ENAH: variants seen among roughly 807,000 people sequenced by gnomAD.
ENAH encodes protein enabled homolog.
Under a neutral mutation model 78.7 loss-of-function variants are expected in ENAH, and 23 were observed. That is an observed-to-expected ratio of 0.29 (90% CI 0.21 to 0.41). The LOEUF is 0.41. Ranked by LOEUF, ENAH falls within the 10% of genes least tolerant of loss-of-function variation. The pLI is 1.00. For synonymous variants in ENAH, 226 were observed against 241.0 expected, an observed-to-expected ratio of 0.94 and a Z score of 0.58; for missense variants, 544 against 691.0, an observed-to-expected ratio of 0.79 and a Z score of 2.39.
intron 1 of ENAH, among the ~76,000 whole-genome samples, chr1:225,573,685 AG>A (rs1189067175): frequency 6.6e-6 from 1 of 152,244 alleles, no homozygotes; most frequent in African/African-American, 2.4e-5. Context: ...TACAGAAGAA[AG>A]GATCTGTAGA....
chr1:225,585,486 A>T (rs78877761), intron 1 of ENAH, among the ~76,000 whole-genome samples: 1 of 138,614 alleles, frequency 7.2e-6, no homozygotes, highest in Non-Finnish European at 1.6e-5. Context: ...GCTGGGCCAT[A>T]AAAAAAAATT....
chr1:225,645,908 G>A (rs569235230), intron 1 of ENAH, among the ~76,000 whole-genome samples: 19 of 152,240 alleles, frequency 1.2e-4, no homozygotes, highest in African/African-American at 4.3e-4. Context: ...TCTACACTTA[G>A]ATATACATAC....
intron 1 of ENAH, among the ~76,000 whole-genome samples, chr1:225,610,976 G>A (rs1310009535): frequency 2.0e-5 from 3 of 152,128 alleles, no homozygotes; most frequent in Non-Finnish European, 4.4e-5. Context: ...GGCCGAAAAA[G>A]GCAGATACAG....
At chr1:225,617,540 T>A (rs1356973184) in intron 1 of ENAH, among the ~76,000 whole-genome samples, 3 of 152,040 alleles carry the variant, frequency 2.0e-5, no homozygotes, top group Non-Finnish European at 2.9e-5. Flanking sequence ...AAGTATTTTT[T>A]AAAAAACTGA....
chr1:225,502,306 G>T (rs192554270), intron 11 of ENAH, among the ~76,000 whole-genome samples: 2 of 152,178 alleles, frequency 1.3e-5, no homozygotes, highest in Admixed American at 6.5e-5. Flanking sequence ...CCGCCTCCCC[G>T]GTTCAAGTGA....
At chr1:225,529,547 C>T (rs1344307783) in intron 4 of ENAH, among the ~76,000 whole-genome samples, 1 of 152,164 alleles carries the variant, frequency 6.6e-6, no homozygotes, top group Non-Finnish European at 1.5e-5. Flanking sequence ...ATAGCACTTA[C>T]CATCTTCTAC....
intron 10 of ENAH, among the ~76,000 whole-genome samples, chr1:225,508,804 A>G (rs1244404908): frequency 6.6e-6 from 1 of 152,234 alleles, no homozygotes; most frequent in Non-Finnish European, 1.5e-5. Context: ...GGGCCACAGG[A>G]GAATGAAGTC....
chr1:225,499,352 T>C (rs1204401179), intron 12 of ENAH, among the ~76,000 whole-genome samples: 1 of 152,112 alleles, frequency 6.6e-6, no homozygotes, highest in Non-Finnish European at 1.5e-5. Flanking sequence ...TCTATTTAAC[T>C]GTGGTGCTCT....
At chr1:225,630,895 C>T (rs1658891338) in intron 1 of ENAH, among the ~76,000 whole-genome samples, 1 of 152,106 alleles carries the variant, frequency 6.6e-6, no homozygotes, top group South Asian at 2.1e-4. Context: ...GTTACAGCAA[C>T]AAAACAAAAA....
rs1383182451 is a variant in ENAH, at chr1:225,574,673, G to A, written c.6-7259C>T. ...TCCCAGCACTTTGGGAGGCCGAGGC[G>A]GGCGGATCACGAGGTCAGGAGATCG... On this transcript the variant is annotated intron_variant, in intron 1 of 13. Transcript: ENST00000366843. 5.4e-4 allele frequency among the ~76,000 whole-genome samples: 2 copies of A among 3,706 alleles called. 1 individual carries two copies. The highest frequency in any genetic ancestry group is 3.7e-3 in the African/African-American group (2 of 540). 2.4% of individuals were successfully genotyped at this position (3,706 alleles called of 152,430 possible).
intron 3 of ENAH, among the ~76,000 whole-genome samples, chr1:225,549,431 T>C (rs2096630989): frequency 6.6e-6 from 1 of 152,286 alleles, no homozygotes; most frequent in South Asian, 2.1e-4. Flanking sequence ...CACCTGGTCA[T>C]CATTTTAAAA....
In ENAH at chr1:225,492,209, C is replaced by T. The variant is rs2096225585; in HGVS notation, c.*5566G>A. 1 of 151,880 alleles carries T rather than the reference C, an allele frequency of 6.6e-6. No individual in the cohort carries two copies. Among genetic ancestry groups the T allele is most frequent in the South Asian group, 2.1e-4 (1 of 4,824 alleles). 9.4% of individuals were successfully genotyped at this position (151,880 alleles called of 1,614,324 possible). ...CAGGTGATCCTCCCGCTTCAGTCTC[C>T]TGAGTAGCTGGGATTACAGGTGTGC... On this transcript the variant is annotated 3_prime_UTR_variant, in exon 14 of 14. Coordinates refer to ENST00000366843, the MANE Select transcript of ENAH (RefSeq NM_018212.6).
intron 1 of ENAH, among the ~76,000 whole-genome samples, chr1:225,604,839 G>A (rs1019028627): frequency 6.6e-6 from 1 of 151,888 alleles, no homozygotes; most frequent in Non-Finnish European, 1.5e-5. Context: ...GATTTAGAGA[G>A]GGCTGATAAA....
intron 1 of ENAH, 153 bp downstream of exon 1, chr1:225,652,533 T>G (rs1663216629): frequency 7.3e-6 from 6 of 820,888 alleles, no homozygotes; most frequent in African/African-American, 1.9e-5. Context: ...AAAGAGAAAT[T>G]GGAAGGGACA....
At chr1:225,550,500 C>G (rs1478251036) in intron 3 of ENAH, among the ~76,000 whole-genome samples, 1 of 152,040 alleles carries the variant, frequency 6.6e-6, no homozygotes, top group Non-Finnish European at 1.5e-5. Context: ...ATCTGGAAGA[C>G]TAAAAAACAA....
intron 1 of ENAH, among the ~76,000 whole-genome samples, chr1:225,587,850 G>C (rs1013696301): frequency 3.9e-5 from 6 of 151,942 alleles, no homozygotes; most frequent in African/African-American, 1.4e-4. Context: ...CACATATAAA[G>C]ACAACTAATT....
intron 1 of ENAH, among the ~76,000 whole-genome samples, chr1:225,644,659 T>C (rs981716912): frequency 5.9e-5 from 9 of 152,124 alleles, no homozygotes; most frequent in African/African-American, 2.2e-4. Context: ...CGCTGCCAAG[T>C]TGCAAATGTA....
chr1:225,505,056 A>G, intron 11 of ENAH: 1 of 1,608,626 alleles, frequency 6.2e-7, no homozygotes, highest in Non-Finnish European at 8.5e-7. Context: ...AATCCCGTCT[A>G]TGAAGGGGAA....
At chr1:225,564,320 G>C (rs1011116138) in intron 2 of ENAH, among the ~76,000 whole-genome samples, 21 of 151,610 alleles carry the variant, frequency 1.4e-4, no homozygotes, top group African/African-American at 5.1e-4. Flanking sequence ...ATGGTGTTTC[G>C]CTCTTGTTGC....
Sources: allele counts gnomAD v4.1 joint callset (sites outside exome capture counted in the v4.1 genomes callset), GRCh38; gene constraint gnomAD v4.1.1; transcripts MANE v1.5; gene names NCBI Gene and HGNC (gene_info 2026-07-23, HGNC 2026-07-21).